CTNNA2: variants seen among roughly 807,000 people sequenced by gnomAD.
The protein encoded by CTNNA2 is catenin alpha-2.
CTNNA2 carries 42 observed loss-of-function variants against 101.0 expected under a neutral mutation model. That is an observed-to-expected ratio of 0.42 (90% CI 0.32 to 0.54). The LOEUF (loss-of-function observed/expected upper bound fraction) is 0.54, where lower values mean the gene tolerates loss of function less well. Among genes scored for constraint, CTNNA2 ranks in the 20% least tolerant of loss-of-function variants. The pLI is 0.14. For synonymous variants in CTNNA2, 450 were observed against 456.4 expected (o/e 0.99, Z 0.18); for missense variants, 871 against 1,223.1 (o/e 0.71, Z 4.29).
intron 7 of CTNNA2, among the ~76,000 whole-genome samples, chr2:79,960,488 A>T (rs1407425901): frequency 3.9e-5 from 6 of 152,206 alleles, no homozygotes; most frequent in African/African-American, 1.2e-4. Flanking sequence ...ATTCTGCTTT[A>T]ATGTTGCTTG....
Position 79,778,384 on chromosome 2 carries a change from T to A in CTNNA2, c.298+33802T>A, listed in dbSNP as rs186969226. ...AAAGGCTTATTCATGACTTTTGTGTTCCATTATATCATTAGGTACTTTTTC... is the reference window on the plus strand; with the variant it reads ...AAAGGCTTATTCATGACTTTTGTGTACCATTATATCATTAGGTACTTTTTC... On this transcript the variant is annotated intron_variant, in intron 3 of 18. Coordinates refer to ENST00000402739, the MANE Select transcript of CTNNA2 (RefSeq NM_001282597.3). 2.6e-5 allele frequency among the ~76,000 whole-genome samples: 4 copies of A among 152,254 alleles called. No individual in the cohort carries two copies. In the East Asian group the frequency reaches 7.7e-4, roughly 29 times the overall value.
intron 1 of CTNNA2, among the ~76,000 whole-genome samples, chr2:79,586,566 G>C (rs1384260613): frequency 7.0e-6 from 1 of 142,222 alleles, no homozygotes; most frequent in African/African-American, 2.6e-5. Context: ...TTATGTTTCT[G>C]TTTTAAGTTT....
chr2:79,520,602 T>A (rs1053564623), intron 1 of CTNNA2, among the ~76,000 whole-genome samples: 4 of 152,322 alleles, frequency 2.6e-5, no homozygotes, highest in African/African-American at 9.6e-5. Flanking sequence ...GACAAAGGAC[T>A]TTATCTAGAC....
chr2:79,856,883 C>T (rs944807307), intron 3 of CTNNA2, among the ~76,000 whole-genome samples: 4 of 152,158 alleles, frequency 2.6e-5, no homozygotes, highest in African/African-American at 9.6e-5. Context: ...ACTGCATTTA[C>T]CCTATTAACT....
chr2:79,926,429 T>C (rs1687024865), intron 7 of CTNNA2, among the ~76,000 whole-genome samples: 1 of 152,142 alleles, frequency 6.6e-6, no homozygotes, highest in Admixed American at 6.6e-5. Flanking sequence ...TTTATTTCCT[T>C]TATTGTGAAG....
intron 1 of CTNNA2, among the ~76,000 whole-genome samples, chr2:79,591,366 T>C (rs750156789): frequency 2.0e-5 from 3 of 152,214 alleles, no homozygotes; most frequent in Non-Finnish European, 4.4e-5. Context: ...GAAGACCGTA[T>C]TAAGACAAGT....
rs34019123 is a variant in CTNNA2, at chr2:80,146,710, G to GTTTTTTTTTTTT, written c.1056+236934_1056+236945dup. On this transcript the variant is annotated intron_variant, in intron 7 of 18. Coordinates refer to ENST00000402739, the MANE Select transcript of CTNNA2 (RefSeq NM_001282597.3). ...TTTCTGAAGTAGGAAGTCCCCTCTG[G>GTTTTTTTTTTTT]TTTTTTTTTTTTTTTTTTTTTTTTT... Among the ~76,000 whole-genome samples, 16 of 61,744 alleles carry GTTTTTTTTTTTT rather than the reference G, an allele frequency of 2.6e-4. 5 individuals carry two copies. The highest frequency in any genetic ancestry group is 4.0e-4 in the Non-Finnish European group (13 of 32,534). The allele number at this position is 61,744 out of a possible 152,430, so 40.5% of individuals were successfully genotyped here. A position where few individuals can be genotyped will look rare whatever the true frequency, so the allele number is the denominator to read the frequency against.
At chr2:80,249,303 G>C (rs139528927) in intron 7 of CTNNA2, among the ~76,000 whole-genome samples, 1 of 152,168 alleles carries the variant, frequency 6.6e-6, no homozygotes, top group Non-Finnish European at 1.5e-5. Context: ...GGGCATTCAG[G>C]TGGATTACTC....
intron 4 of CTNNA2, among the ~76,000 whole-genome samples, chr2:79,424,870 A>T (rs574836711): frequency 1.3e-5 from 2 of 152,254 alleles, no homozygotes; most frequent in Admixed American, 1.3e-4. Flanking sequence ...TATTTATTTA[A>T]TGTAGGTATA....
At chr2:80,614,693 C>T (rs191356355) in intron 17 of CTNNA2, among the ~76,000 whole-genome samples, 62 of 151,514 alleles carry the variant, frequency 4.1e-4, no homozygotes, top group Admixed American at 6.6e-4. Context: ...TTTAAAAATA[C>T]TTCAAATAAT....
At chr2:79,633,952 A>G (rs1679855711) in intron 1 of CTNNA2, 1 of 152,256 alleles carries the variant, frequency 6.6e-6, no homozygotes. Flanking sequence ...TAGTTAGTAT[A>G]GAATTTGATT....
At chr2:80,007,423 A>C (rs150296659) in intron 7 of CTNNA2, among the ~76,000 whole-genome samples, 1 of 152,204 alleles carries the variant, frequency 6.6e-6, no homozygotes, top group Admixed American at 6.5e-5. Context: ...TACATGCTTT[A>C]CTTTAAATCT....
intron 7 of CTNNA2, among the ~76,000 whole-genome samples, chr2:80,143,755 A>G (rs1018979806): frequency 4.6e-5 from 7 of 152,218 alleles, no homozygotes; most frequent in Non-Finnish European, 1.0e-4. Flanking sequence ...GAAGGAGGGC[A>G]GGGGAGGGAT....
intron 7 of CTNNA2, among the ~76,000 whole-genome samples, chr2:80,247,544 A>G (rs1312593294): frequency 6.6e-6 from 1 of 152,132 alleles, no homozygotes; most frequent in Non-Finnish European, 1.5e-5. Flanking sequence ...CTTATCTCCA[A>G]CAAGTCTATC....
chr2:79,750,958 T>G (rs1039741478), intron 3 of CTNNA2, among the ~76,000 whole-genome samples: 1 of 152,212 alleles, frequency 6.6e-6, no homozygotes, highest in East Asian at 1.9e-4. Context: ...ATATATCCTA[T>G]GCTAAATGAT....
At chr2:79,322,282 G>A (rs755823632) in intron 3 of CTNNA2, among the ~76,000 whole-genome samples, 4 of 152,156 alleles carry the variant, frequency 2.6e-5, no homozygotes, top group Non-Finnish European at 5.9e-5. Context: ...TATAGACTGC[G>A]GGGGGCTGCC....
intron 4 of CTNNA2, among the ~76,000 whole-genome samples, chr2:79,492,970 G>A (rs76361171): frequency 0.014 from 2,204 of 152,160 alleles, 88 homozygotes; most frequent in East Asian, 0.13. Flanking sequence ...CAACATCATT[G>A]CAATAAAAGC....
At chr2:79,670,155 G>A (rs113204090) in intron 2 of CTNNA2, among the ~76,000 whole-genome samples, 1,667 of 152,248 alleles carry the variant, frequency 0.011, 20 homozygotes, top group Middle Eastern at 0.02. Flanking sequence ...GGGAGCTCAC[G>A]CCCTGCCAAC....
At chr2:80,138,027 T>C (rs1702793576) in intron 7 of CTNNA2, among the ~76,000 whole-genome samples, 2 of 152,006 alleles carry the variant, frequency 1.3e-5, no homozygotes, top group South Asian at 4.1e-4. Context: ...AAGGAGAAGA[T>C]TAGGTGTGGA....
Sources: gnomAD v4.1 joint callset for allele counts (sites outside exome capture counted in the v4.1 genomes callset) on GRCh38, gnomAD v4.1.1 for gene constraint, MANE v1.5 for transcripts, NCBI Gene and HGNC (gene_info 2026-07-23, HGNC 2026-07-21) for gene names.